Variants in BNC2 observed in about 807,000 individuals in gnomAD.
BNC2 encodes zinc finger protein basonuclin-2.
In BNC2, 20 loss-of-function variants were observed where a neutral mutation model predicts 76.3. The observed-to-expected ratio is 0.26, with a 90% CI of 0.18 to 0.38. BNC2 has a LOEUF of 0.38. BNC2 is among the 10% of genes least tolerant of loss of function. BNC2 has a pLI of 1.00. For synonymous variants in BNC2, 582 were observed against 514.8 expected (o/e 1.13, Z -1.77); for missense variants, 1,382 against 1,399.8 (o/e 0.99, Z 0.20).
rs1563815821 is a variant in BNC2, at chr9:16,507,994, G to T, written c.669+44536C>A. On this transcript the variant is annotated intron_variant, in intron 5 of 6. Transcript: ENST00000380672. ...CAAATTACAGAAAATTTTAGTCATT[G>T]AGTATTGATGACCTATCAAGCATTT... is the stretch of plus-strand genomic sequence containing the variant. 2.6e-5 allele frequency among the ~76,000 whole-genome samples: 4 copies of T among 152,166 alleles called. No individual in the cohort carries two copies. The South Asian group carries it at 8.3e-4, about 31-fold the overall frequency.
chr9:16,720,501 C>G (rs1824124620), intron 3 of BNC2, among the ~76,000 whole-genome samples: 1 of 152,006 alleles, frequency 6.6e-6, no homozygotes, highest in Non-Finnish European at 1.5e-5. Context: ...AAGACAGTAG[C>G]GAAATAACAT....
intron 1 of BNC2, among the ~76,000 whole-genome samples, chr9:16,765,786 T>TG: frequency 7.9e-6 from 1 of 126,868 alleles, no homozygotes; most frequent in African/African-American, 3.0e-5. Context: ...CTCGTAATTT[T>TG]TTTTTTTTTT....
chr9:16,520,485 C>G (rs1441943291), intron 5 of BNC2, among the ~76,000 whole-genome samples: 3 of 152,166 alleles, frequency 2.0e-5, no homozygotes, highest in African/African-American at 7.2e-5. Context: ...TGCAATATTG[C>G]AGGTAGTTGC....
Position 16,801,694 on chromosome 9 carries a change from A to C in BNC2, c.4-63209T>G, listed in dbSNP as rs554222163. ...AGGAGTGAGAAAGCCATGCCAAAAG[A>C]AGCTGAAATATTTTATTCTAAGACA... On this transcript the variant is annotated intron_variant, in intron 1 of 6. Coordinates refer to ENST00000380672, the MANE Select transcript of BNC2 (RefSeq NM_017637.6). 6.0e-5 allele frequency among the ~76,000 whole-genome samples: 9 copies of C among 151,014 alleles called. 1 individual carries two copies. Among genetic ancestry groups the C allele is most frequent in the African/African-American group, 1.9e-4 (8 of 41,086 alleles).
At chr9:16,535,238 T>C (rs1017597182) in intron 5 of BNC2, among the ~76,000 whole-genome samples, 1 of 152,200 alleles carries the variant, frequency 6.6e-6, no homozygotes, top group Non-Finnish European at 1.5e-5. Context: ...TTTACACATC[T>C]TTGCAAGGCT....
At chr9:16,517,131 TGA>T (rs575098309) in intron 5 of BNC2, among the ~76,000 whole-genome samples, 124 of 152,276 alleles carry the variant, frequency 8.1e-4, no homozygotes, top group African/African-American at 2.9e-3. Flanking sequence ...GTCTTTAGAT[TGA>T]GATAAGATTC....
intron 3 of BNC2, among the ~76,000 whole-genome samples, chr9:16,652,904 A>C (rs1407079590): frequency 6.6e-6 from 1 of 152,186 alleles, no homozygotes; most frequent in Non-Finnish European, 1.5e-5. Context: ...AAGTCTTGAC[A>C]CACCAAGCCC....
intron 3 of BNC2, among the ~76,000 whole-genome samples, chr9:16,637,980 C>A (rs758524702): frequency 6.6e-6 from 1 of 152,180 alleles, no homozygotes; most frequent in East Asian, 1.9e-4. Flanking sequence ...TTAGGTGTGG[C>A]TGATAACAAA....
intron 6 of BNC2, among the ~76,000 whole-genome samples, chr9:16,422,384 C>T (rs1004563672): frequency 6.6e-6 from 1 of 152,174 alleles, no homozygotes; most frequent in African/African-American, 2.4e-5. Flanking sequence ...AAAACAGCTA[C>T]TTTATCAATT....
At chr9:16,473,281 C>T (rs1821862369) in intron 5 of BNC2, 1 of 152,226 alleles carries the variant, frequency 6.6e-6, no homozygotes, top group Non-Finnish European at 1.5e-5. Flanking sequence ...TCAAATTTCT[C>T]ATCTTCAGAA....
intron 1 of BNC2, among the ~76,000 whole-genome samples, chr9:16,811,219 T>C (rs1469015640): frequency 3.7e-4 from 15 of 40,696 alleles, no homozygotes; most frequent in African/African-American, 8.6e-4. Flanking sequence ...CGAGACTTCG[T>C]CTCAAAAGAC....
intron 1 of BNC2, among the ~76,000 whole-genome samples, chr9:16,845,061 A>C (rs1818933766): frequency 6.6e-6 from 1 of 152,170 alleles, no homozygotes. Flanking sequence ...TCCACCTGTC[A>C]GTACTTCACA....
chr9:16,867,238 A>G (rs1819564088), intron 1 of BNC2: 1 of 152,202 alleles, frequency 6.6e-6, no homozygotes, highest in South Asian at 2.1e-4. Flanking sequence ...AAAACACTTC[A>G]TGAACTGTAT....
intron 5 of BNC2, among the ~76,000 whole-genome samples, chr9:16,444,399 T>C (rs1322464078): frequency 6.6e-6 from 1 of 152,130 alleles, no homozygotes; most frequent in East Asian, 1.9e-4. Flanking sequence ...CACACACACC[T>C]TCGCAGACAC....
intron 1 of BNC2, among the ~76,000 whole-genome samples, chr9:16,761,151 G>A (rs753017470): frequency 3.9e-5 from 6 of 152,110 alleles, no homozygotes; most frequent in Admixed American, 1.3e-4. Context: ...GGGAGGCTAA[G>A]GCAGGAAGCT....
intron 3 of BNC2, among the ~76,000 whole-genome samples, chr9:16,713,434 A>G (rs1422480194): frequency 1.4e-5 from 2 of 139,988 alleles, no homozygotes; most frequent in Admixed American, 1.6e-4. Flanking sequence ...AAACCAGCCT[A>G]GGAAAAGGCA....
intron 3 of BNC2, among the ~76,000 whole-genome samples, chr9:16,598,011 C>T (rs901890324): frequency 2.0e-5 from 3 of 151,900 alleles, no homozygotes; most frequent in African/African-American, 7.3e-5. Context: ...TGAAAGAGAC[C>T]CTATGTGCAT....
intron 1 of BNC2, among the ~76,000 whole-genome samples, chr9:16,803,156 C>T (rs1368397677): frequency 1.3e-5 from 2 of 152,158 alleles, no homozygotes; most frequent in African/African-American, 2.4e-5. Flanking sequence ...TAGATGTATC[C>T]TGTGTGTTTC....
intron 1 of BNC2, among the ~76,000 whole-genome samples, chr9:16,828,936 C>T (rs1818514674): frequency 6.6e-6 from 1 of 151,996 alleles, no homozygotes; most frequent in Admixed American, 6.6e-5. Flanking sequence ...ACTAGATGGC[C>T]CCGAAGCGAC....
Sources: gnomAD v4.1 joint callset for allele counts (sites outside exome capture counted in the v4.1 genomes callset) on GRCh38, gnomAD v4.1.1 for gene constraint, MANE v1.5 for transcripts, NCBI Gene and HGNC (gene_info 2026-07-23, HGNC 2026-07-21) for gene names.